FER1L6: variants seen among roughly 807,000 people sequenced by gnomAD.
The protein encoded by FER1L6 is fer-1 like family member 6.
FER1L6 carries 177 observed loss-of-function variants against 219.2 expected under a neutral mutation model. The ratio of observed to expected loss-of-function variants is 0.81; its 90% CI spans 0.71 to 0.91. The LOEUF is 0.91. FER1L6 is among the 40% of genes least tolerant of loss of function. The probability of loss-of-function intolerance (pLI) is 0.00; values close to 1 mark genes in which losing one functional copy is unlikely to be tolerated. For missense variants in FER1L6, 2,153 were observed against 2,259.9 expected, an observed-to-expected ratio of 0.95 and a Z score of 0.96; for synonymous variants, 768 against 824.3, an observed-to-expected ratio of 0.93 and a Z score of 1.17.
At chr8:124,018,237 G>A (rs1003955794) in intron 16 of FER1L6, among the ~76,000 whole-genome samples, 2 of 152,170 alleles carry the variant, frequency 1.3e-5, no homozygotes, top group African/African-American at 4.8e-5. Flanking sequence ...TCAGGCCCTG[G>A]ATTATCTCAA....
intron 1 of FER1L6, among the ~76,000 whole-genome samples, chr8:123,881,801 G>A (rs563083987): frequency 3.3e-5 from 5 of 152,188 alleles, no homozygotes; most frequent in African/African-American, 4.8e-5. Context: ...TGTAGATTAC[G>A]GGTCCTGTTT....
intron 1 of FER1L6, among the ~76,000 whole-genome samples, chr8:123,890,625 ATTTTTTTTTTT>A (rs59914385): frequency 3.3e-5 from 3 of 91,424 alleles, no homozygotes; most frequent in Non-Finnish European, 6.1e-5. Flanking sequence ...TAAAAATTTG[ATTTTTTTTTTT>A]TTTTTTTTTT....
intron 38 of FER1L6, among the ~76,000 whole-genome samples, 162 bp from the exon 39 acceptor site, chr8:124,102,984 T>C (rs1473908059): frequency 6.6e-6 from 1 of 152,258 alleles, no homozygotes; most frequent in Non-Finnish European, 1.5e-5. Flanking sequence ...GGCTCAGTCC[T>C]ATTTGTACTC....
At chr8:123,929,268 A>G (rs1199150518) in intron 1 of FER1L6, among the ~76,000 whole-genome samples, 1 of 152,226 alleles carries the variant, frequency 6.6e-6, no homozygotes, top group African/African-American at 2.4e-5. Context: ...TGAACTGGGC[A>G]GGGCTTTCGT....
At chr8:124,072,080 C>T (rs529693904) in intron 31 of FER1L6, among the ~76,000 whole-genome samples, 2 of 152,248 alleles carry the variant, frequency 1.3e-5, no homozygotes, top group Admixed American at 1.3e-4. Flanking sequence ...CTTTTCTGAG[C>T]ATATAGGACT....
At chr8:123,937,251 A>C (rs1457523584) in intron 1 of FER1L6, among the ~76,000 whole-genome samples, 1 of 152,234 alleles carries the variant, frequency 6.6e-6, no homozygotes, top group African/African-American at 2.4e-5. Flanking sequence ...TAATTCACTG[A>C]ACGAGGGAAA....
chr8:123,892,856 G>A (rs559409907), intron 1 of FER1L6, among the ~76,000 whole-genome samples: 1 of 152,186 alleles, frequency 6.6e-6, no homozygotes, highest in African/African-American at 2.4e-5. Context: ...TTTTTCTGAA[G>A]TACAAGAGAG....
intron 16 of FER1L6, among the ~76,000 whole-genome samples, chr8:124,020,134 G>A (rs773562250): frequency 6.6e-6 from 1 of 152,158 alleles, no homozygotes; most frequent in Non-Finnish European, 1.5e-5. Flanking sequence ...ATAAAGGGTA[G>A]TTTCCCTGCA....
intron 1 of FER1L6, among the ~76,000 whole-genome samples, chr8:123,925,564 T>C (rs1313020117): frequency 2.0e-5 from 3 of 152,186 alleles, no homozygotes; most frequent in South Asian, 2.1e-4. Flanking sequence ...TTCTGTGAAA[T>C]TGGCATTACC....
At chr8:124,024,001 A>G (rs1437400545) in intron 18 of FER1L6, among the ~76,000 whole-genome samples, 1 of 150,464 alleles carries the variant, frequency 6.6e-6, no homozygotes, top group Non-Finnish European at 1.5e-5. Context: ...GATTCAAGTG[A>G]TTCTCCTGCC....
intron 1 of FER1L6, among the ~76,000 whole-genome samples, chr8:123,939,460 T>C (rs921140837): frequency 1.3e-5 from 2 of 152,088 alleles, no homozygotes; most frequent in Non-Finnish European, 2.9e-5. Context: ...GTGCTGGAGA[T>C]TTATTCGGGG....
intron 39 of FER1L6, among the ~76,000 whole-genome samples, chr8:124,106,203 C>A (rs1157481694): frequency 6.6e-6 from 1 of 151,720 alleles, no homozygotes; most frequent in Non-Finnish European, 1.5e-5. Context: ...GTGGCGGGTG[C>A]CTGTAGTCCC....
chr8:124,007,841 T>C (rs1455680839), intron 13 of FER1L6, among the ~76,000 whole-genome samples: 1 of 152,210 alleles, frequency 6.6e-6, no homozygotes, highest in African/African-American at 2.4e-5. Flanking sequence ...AAAGTTTAGT[T>C]TGGGACACAG....
At chr8:124,089,040 T>C (rs1821905065) in intron 33 of FER1L6, among the ~76,000 whole-genome samples, 2 of 152,154 alleles carry the variant, frequency 1.3e-5, no homozygotes, top group South Asian at 4.1e-4. Flanking sequence ...GTCCACTGGC[T>C]CCGAGCTCAG....
intron 1 of FER1L6, among the ~76,000 whole-genome samples, chr8:123,866,116 G>A (rs1310025416): frequency 6.6e-6 from 1 of 151,978 alleles, no homozygotes; most frequent in South Asian, 2.1e-4. Context: ...TGTCTTTATA[G>A]CAGCATGATT....
chr8:124,101,803 C>T (rs570424299), intron 38 of FER1L6, among the ~76,000 whole-genome samples: 2 of 152,286 alleles, frequency 1.3e-5, no homozygotes, highest in South Asian at 4.2e-4. Context: ...GTGATATAAC[C>T]TCAGGAGGTC....
chr8:124,071,557 G>C lies in FER1L6; in HGVS notation c.4018G>C (p.Gly1340Arg), dbSNP rs759909451. Residue 1340 changes from glycine (G) to arginine (R), a missense_variant, in exon 31 of 41, where the codon GGG becomes CGG. Transcript: ENST00000522917. ...CCAGGATTCTAGCTCTGAGGACAGC[G>C]GGCAGCTGAGAATCCAGCAAGGGAT... is the stretch of plus-strand genomic sequence containing the variant. ...SPQDSSSEDS[G>R]QLRIQQGIPP... is the part of the protein sequence containing the mutation. 1.2e-6 allele frequency: 2 copies of C among 1,614,078 alleles called. No homozygotes were observed. The highest frequency in any genetic ancestry group is 1.3e-5 in the African/African-American group (1 of 75,026).
At position 124,064,915 on chromosome 8, in the gene FER1L6, G is replaced by T. The variant is rs541597284; in HGVS notation, c.3555+342G>T. 2.0e-5 allele frequency among the ~76,000 whole-genome samples: 3 copies of T among 152,290 alleles called. No individual in the cohort carries two copies. In the South Asian group the frequency reaches 6.2e-4, roughly 32 times the overall value. ...GTCCTACTTTGTACAAGATCATATG[G>T]GACCAAGAAGATGCATCTTTTGGAT... On this transcript the variant is annotated intron_variant, in intron 26 of 40. Transcript: ENST00000522917.
chr8:124,024,471 G>C (rs1339404790), intron 18 of FER1L6, among the ~76,000 whole-genome samples: 1 of 149,254 alleles, frequency 6.7e-6, no homozygotes, highest in Non-Finnish European at 1.5e-5. Context: ...TTCCATTCTT[G>C]AGTTACTTCA....
Sources: allele counts gnomAD v4.1 joint callset (sites outside exome capture counted in the v4.1 genomes callset), GRCh38; gene constraint gnomAD v4.1.1; transcripts MANE v1.5; gene names NCBI Gene and HGNC (gene_info 2026-07-23, HGNC 2026-07-21).